DCX: variants seen among roughly 807,000 people sequenced by gnomAD.
DCX encodes doublecortin.
A neutral mutation model predicts 20.9 loss-of-function variants in DCX; 4 were observed. The observed-to-expected ratio is 0.19, with a 90% CI of 0.09 to 0.44. The LOEUF (loss-of-function observed/expected upper bound fraction) is 0.44, where lower values mean the gene tolerates loss of function less well. Ranked by LOEUF, DCX falls within the 20% of genes least tolerant of loss-of-function variation. The pLI is 0.99. For missense variants in DCX, 133 were observed against 296.9 expected, an observed-to-expected ratio of 0.45 and a Z score of 4.06; for synonymous variants, 103 against 111.4, an observed-to-expected ratio of 0.92 and a Z score of 0.47.
chrX:111,319,864 A>G (rs1227815577), intron 5 of DCX, among the ~76,000 whole-genome samples: 1 of 112,172 alleles, frequency 8.9e-6, no homozygotes, highest in Non-Finnish European at 1.9e-5. Flanking sequence ...GTGTCCCAGT[A>G]TTTGTTAGCC....
At chrX:111,347,087 T>C (rs935043992) in intron 3 of DCX, among the ~76,000 whole-genome samples, 2 of 111,223 alleles carry the variant, frequency 1.8e-5, no homozygotes, top group Admixed American at 1.9e-4. Context: ...TAAGTTAAAG[T>C]ACAAAAAAAC....
chrX:111,395,967 A>AAAACATAGGCTATGTAGGCAAAGG (rs1396021123), intron 3 of DCX, among the ~76,000 whole-genome samples: 11 of 112,574 alleles, frequency 9.8e-5, no homozygotes, highest in South Asian at 3.7e-4. Flanking sequence ...TAGGCAAAGG[A>AAAACATAGGCTATGTAGGCAAAGG]AAAACACACC....
intron 3 of DCX, among the ~76,000 whole-genome samples, chrX:111,370,442 A>G (rs1020441145): frequency 2.7e-5 from 3 of 111,746 alleles, no homozygotes; most frequent in African/African-American, 6.5e-5. Context: ...CAATTTAACA[A>G]GATTCCTAAG....
chrX:111,354,595 C>T (rs758788798), intron 3 of DCX, among the ~76,000 whole-genome samples: 62 of 111,934 alleles, frequency 5.5e-4, no homozygotes, highest in African/African-American at 2.0e-3. Flanking sequence ...CCAAATCCAT[C>T]CCACCTCCCA....
chrX:111,373,816 G>A (rs1391273839), intron 3 of DCX, among the ~76,000 whole-genome samples: 1 of 111,850 alleles, frequency 8.9e-6, no homozygotes, highest in Non-Finnish European at 1.9e-5. Context: ...CAGGGATAGT[G>A]TCTGGTATAT....
intron 3 of DCX, among the ~76,000 whole-genome samples, chrX:111,358,401 T>C (rs1054854368): frequency 1.8e-5 from 2 of 111,834 alleles, no homozygotes; most frequent in Admixed American, 1.9e-4. Context: ...TCACACCACA[T>C]GTTTAAGGTA....
At chrX:111,375,367 A>G (rs1405587202) in intron 3 of DCX, among the ~76,000 whole-genome samples, 1 of 111,394 alleles carries the variant, frequency 9.0e-6, no homozygotes, top group Non-Finnish European at 1.9e-5. Context: ...GGAAAGGTAC[A>G]TGGTAGCCTT....
intron 3 of DCX, among the ~76,000 whole-genome samples, chrX:111,341,450 T>A (rs1054226840): frequency 1.6e-4 from 18 of 110,905 alleles, no homozygotes; most frequent in African/African-American, 5.9e-4. Context: ...AAAAACACAC[T>A]TCAGGGTATT....
At chrX:111,356,836 G>A (rs1923772871) in intron 3 of DCX, among the ~76,000 whole-genome samples, 1 of 111,937 alleles carries the variant, frequency 8.9e-6, no homozygotes, top group South Asian at 3.8e-4. Flanking sequence ...TAAACTTTGC[G>A]AGACTGAGGC....
intron 5 of DCX, among the ~76,000 whole-genome samples, chrX:111,326,767 T>C (rs750388484): frequency 2.4e-4 from 27 of 111,780 alleles, no homozygotes; most frequent in African/African-American, 8.1e-4. Context: ...GAAGTGAGGA[T>C]TGAACTTGAA....
intron 5 of DCX, among the ~76,000 whole-genome samples, chrX:111,319,893 A>G (rs899660924): frequency 8.9e-6 from 1 of 112,172 alleles, no homozygotes; most frequent in African/African-American, 3.2e-5. Flanking sequence ...TAGCCTCTCT[A>G]TATATTCTCT....
intron 5 of DCX, among the ~76,000 whole-genome samples, chrX:111,321,418 T>C (rs891518361): frequency 8.9e-6 from 1 of 111,941 alleles, no homozygotes; most frequent in Admixed American, 9.5e-5. Context: ...GTACTCATCT[T>C]TAGCTCCTTG....
chrX:111,347,899 C>A (rs1391387913), intron 3 of DCX, among the ~76,000 whole-genome samples: 1 of 112,061 alleles, frequency 8.9e-6, no homozygotes, highest in East Asian at 2.8e-4. Flanking sequence ...TAAATCTGGG[C>A]TGTCAGATCT....
chrX:111,380,352 G>A (rs1389089180), intron 3 of DCX, among the ~76,000 whole-genome samples: 1 of 111,776 alleles, frequency 8.9e-6, no homozygotes, highest in Non-Finnish European at 1.9e-5. Flanking sequence ...TATATATGCT[G>A]TGAGGTGGGG....
chrX:111,331,187 A>G, intron 4 of DCX, 146 bp from the exon 5 acceptor site: 2 of 722,014 alleles, frequency 2.8e-6, no homozygotes, highest in Non-Finnish European at 4.2e-6. Context: ...AGTAGGAGCC[A>G]TGGTTCTGGG....
chrX:111,356,087 T>C (rs1038421966), intron 3 of DCX, among the ~76,000 whole-genome samples: 1 of 112,339 alleles, frequency 8.9e-6, no homozygotes, highest in Non-Finnish European at 1.9e-5. Context: ...TCAGGAAATA[T>C]AAACCAATAG....
intron 3 of DCX, among the ~76,000 whole-genome samples, chrX:111,345,038 A>G (rs895818562): frequency 8.0e-5 from 9 of 112,050 alleles, no homozygotes; most frequent in African/African-American, 2.9e-4. Context: ...TGGTAGCAAA[A>G]CAGTCATATA....
At chrX:111,332,930 AC>A in intron 4 of DCX, 120 bp downstream of exon 4, 1 of 560,748 alleles carries the variant, frequency 1.8e-6, no homozygotes, top group Non-Finnish European at 3.1e-6. Flanking sequence ...AGAAAGACCA[AC>A]ATTATAAGCC....
At chrX:111,397,363 T>C (rs1044509814) in intron 3 of DCX, among the ~76,000 whole-genome samples, 7 of 111,786 alleles carry the variant, frequency 6.3e-5, no homozygotes, top group Admixed American at 4.8e-4. Context: ...GCCAAAAACA[T>C]GCATTGGAAT....
Sources: gnomAD v4.1 joint callset for allele counts (sites outside exome capture counted in the v4.1 genomes callset) on GRCh38, gnomAD v4.1.1 for gene constraint, MANE v1.5 for transcripts, NCBI Gene and HGNC (gene_info 2026-07-23, HGNC 2026-07-21) for gene names.